The following FAM161B variants were observed in gnomAD, a reference collection of about 807,000 sequenced individuals.
The protein encoded by FAM161B is FAM161 centrosomal protein B.
Under a neutral mutation model 61.5 loss-of-function variants are expected in FAM161B, and 46 were observed. The ratio of observed to expected loss-of-function variants is 0.75; its 90% confidence interval spans 0.59 to 0.96. FAM161B has a LOEUF of 0.96. FAM161B is among the 40% of genes least tolerant of loss of function. The probability of loss-of-function intolerance (pLI) is 0.00; values close to 1 mark genes in which losing one functional copy is unlikely to be tolerated. For missense variants in FAM161B, 774 were observed against 800.7 expected (o/e 0.97, Z 0.40); for synonymous variants, 284 against 302.7 (o/e 0.94, Z 0.64).
intron 3 of FAM161B, among the ~76,000 whole-genome samples, chr14:73,943,073 A>G (rs1419467083): frequency 2.6e-5 from 4 of 152,110 alleles, no homozygotes; most frequent in Non-Finnish European, 5.9e-5. Context: ...GAAGCAGAGG[A>G]AGTGGGCCAG....
rs192144469 is a variant in FAM161B, at chr14:73,946,848, G to A, written c.55-243C>T. ...TCTATGAAGTGCGCTTGGTTGAAGG[G>A]ATGGAGAGGGAAGTGAAGAGCTGAA... is the stretch of plus-strand genomic sequence containing the variant. On this transcript the variant is annotated intron_variant, in intron 1 of 8. Transcript: ENST00000286544. Among the ~76,000 whole-genome samples the A allele has an allele frequency of 6.2e-3, 948 of 152,248 alleles. 8 individuals are homozygous for A. Among genetic ancestry groups the A allele is most frequent in the South Asian group, 0.011 (52 of 4,822 alleles).
In FAM161B at chr14:73,950,049, C is replaced by T; in HGVS notation, c.-23G>A. ...CATTTCAGCTGGACAGAGGCAGCAG[C>T]GACAGTGACAGCGATAGTGGCAGCA... On this transcript the variant is annotated 5_prime_UTR_variant, in exon 1 of 9. Coordinates refer to ENST00000286544, the MANE Select transcript of FAM161B (RefSeq NM_152445.3). The T allele has an allele frequency of 6.2e-7, 1 of 1,610,908 alleles. No individual in the cohort carries two copies. The highest frequency in any genetic ancestry group is 2.2e-5 in the East Asian group (1 of 44,870).
the FAM161B span, chr14:73,923,425 T>C: frequency 4.3e-6 from 7 of 1,613,800 alleles, no homozygotes; most frequent in Admixed American, 1.0e-4. Flanking sequence ...CCACGTTCCC[T>C]GTCTTCAGTG....
chr14:73,949,198 G>T (rs1459815769), intron 1 of FAM161B, among the ~76,000 whole-genome samples: 1 of 152,214 alleles, frequency 6.6e-6, no homozygotes, highest in African/African-American at 2.4e-5. Context: ...CACCTCCCAG[G>T]TTCAAGCAAT....
rs754735069 is a variant in FAM161B, at chr14:73,944,852, G to A, written c.408C>T (p.Asn136=). 4 of 1,528,788 alleles carry A rather than the reference G, an allele frequency of 2.6e-6. No individual in the cohort carries two copies. The highest frequency in any genetic ancestry group is 3.5e-6 in the Non-Finnish European group (4 of 1,139,128). 94.7% of individuals were successfully genotyped at this position (1,528,788 alleles called of 1,614,324 possible). ...CGSTRRCSSL[N]NLPSNIPRPQ... ...GCCTGGGAATGTTGGAGGGAAGGTT[G>A]TTCAGGGAGCTGCAGCGCCTTGTGG... is the stretch of plus-strand genomic sequence containing the variant. Residue 136 remains asparagine, a synonymous_variant, in exon 3 of 9, where the codon AAC becomes AAT. Transcript: ENST00000286544.
chr14:73,937,969 T>C lies in FAM161B; in HGVS notation c.1544A>G (p.Lys515Arg). Residue 515 changes from lysine to arginine, a missense_variant, in exon 6 of 9, where the codon AAA (lysine) becomes AGA (arginine). Physicochemically the swap from Lys to Arg is conservative, Grantham distance 26 (BLOSUM62 2). Coordinates refer to ENST00000286544, the MANE Select transcript of FAM161B (RefSeq NM_152445.3). The part of the protein sequence containing the change: ...DPHKSLEEVF[K>R]AKLKENRNND... ...TGACCGGTTCTCTTTCAGCTTTGCT[T>C]TGAACACTTCCTCCAGGCTTTTATG... 1.9e-6 allele frequency: 3 copies of C among 1,614,254 alleles called. No individual in the cohort carries two copies. The highest frequency in any genetic ancestry group is 2.5e-6 in the Non-Finnish European group (3 of 1,180,048).
chr14:73,932,876 G>C lies in FAM161B; in HGVS notation c.*1380C>G, dbSNP rs2055936628. 1 of 160,434 alleles carries C rather than the reference G, an allele frequency of 6.2e-6. No individual in the cohort carries two copies. Among genetic ancestry groups the C allele is most frequent in the Non-Finnish European group, 1.4e-5 (1 of 73,148 alleles). The allele number at this position is 160,434 out of a possible 1,614,324, so 9.9% of individuals were successfully genotyped here. ...TGGCTTCAAGCGATCCTCCTGCCTT[G>C]GCCCCTCAAAGTGCTGGGATTACAA... On this transcript the variant is annotated 3_prime_UTR_variant, in exon 9 of 9. Coordinates refer to ENST00000286544, the MANE Select transcript of FAM161B (RefSeq NM_152445.3).
At chr14:73,949,939 C>T in intron 1 of FAM161B, 34 bp downstream of exon 1, 1 of 1,611,464 alleles carries the variant, frequency 6.2e-7, no homozygotes, top group Non-Finnish European at 8.5e-7. Flanking sequence ...CTCCGGGATT[C>T]CTTTCCCGGG....
chr14:73,927,411 T>C (rs1234028867), downstream of FAM161B, among the ~76,000 whole-genome samples: 3 of 152,330 alleles, frequency 2.0e-5, no homozygotes, highest in Admixed American at 1.3e-4. Flanking sequence ...GAAATACTTC[T>C]CTCATCAACC....
Position 73,942,758 on chromosome 14 carries a change from G to C in FAM161B, c.926-43C>G, listed in dbSNP as rs373206792. The C allele has an allele frequency of 3.1e-5, 48 of 1,558,986 alleles. No homozygotes were observed. In the African/African-American group the frequency reaches 6.1e-4, roughly 20 times the overall value. On this transcript the variant is annotated intron_variant, in intron 3 of 8. Transcript: ENST00000286544. ...TGATGGGTAAGAAAGGACCAAGCAAGAAACCTACAGGGTTGGAGAACTTTC... is the reference window on the plus strand; with the variant it reads ...TGATGGGTAAGAAAGGACCAAGCAACAAACCTACAGGGTTGGAGAACTTTC...
chr14:73,932,686 G>A lies in FAM161B; in HGVS notation c.*1570C>T, dbSNP rs1003636005. ...GTCACCCAGGCTGGAGTGCAGTAGTGTAATCATAGCTCAATGTAACCTTGA... is the reference window on the plus strand; with the variant it reads ...GTCACCCAGGCTGGAGTGCAGTAGTATAATCATAGCTCAATGTAACCTTGA... On this transcript the variant is annotated 3_prime_UTR_variant, in exon 9 of 9. Transcript: ENST00000286544. The A allele has an allele frequency of 8.5e-6, 3 of 351,848 alleles. No individual in the cohort carries two copies. The highest frequency in any genetic ancestry group is 6.5e-5 in the African/African-American group (3 of 46,492). The allele number at this position is 351,848 out of a possible 1,614,324, so 21.8% of individuals were successfully genotyped here. A position where few individuals can be genotyped will look rare whatever the true frequency, so the allele number is the denominator to read the frequency against.
rs776519396 is a variant in FAM161B at position 73,936,025 on chromosome 14, C to T, written c.1729G>A (p.Glu577Lys). The T allele has an allele frequency of 2.5e-6, 4 of 1,614,004 alleles. No individual in the cohort carries two copies. Among genetic ancestry groups the T allele is most frequent in the South Asian group, 1.1e-5 (1 of 91,044 alleles). ...LDTLKQAGLE[E>K]DFVRNKGQGT... is the part of the protein sequence containing the mutation. The stretch of plus-strand genomic sequence containing the variant: ...TGACCCTTGTTTCTCACAAAGTCTT[C>T]CTCCAGCCCAGCCTGCTTCAGGGTG... The change falls in exon 8 of 9, where the codon GAA (glutamate) becomes AAA (lysine). Residue 577 changes from glutamate to lysine, a missense_variant. Transcript: ENST00000286544.
At chr14:73,931,909 T>C, downstream of FAM161B, 1 of 457,424 alleles carries the variant, frequency 2.2e-6, no homozygotes, top group South Asian at 1.6e-5. Flanking sequence ...CTCAGCTGTC[T>C]TTTCACATGG....
chr14:73,949,519 A>ATTTTT (rs35341495), intron 1 of FAM161B, among the ~76,000 whole-genome samples: 1 of 138,478 alleles, frequency 7.2e-6, no homozygotes. Flanking sequence ...CGCCTGGCCA[A>ATTTTT]TTTTTTTTTT....
downstream of FAM161B, chr14:73,927,727 T>C (rs1034710184): frequency 1.3e-5 from 2 of 152,038 alleles, no homozygotes; most frequent in African/African-American, 2.4e-5. Flanking sequence ...CTGCCTCAAA[T>C]AGCTTATAGG....
intron 3 of FAM161B, among the ~76,000 whole-genome samples, chr14:73,943,217 T>C (rs2140347316): frequency 6.6e-6 from 1 of 152,312 alleles, no homozygotes; most frequent in South Asian, 2.1e-4. Context: ...TTTCCTCCTC[T>C]TTAACCTCTC....
Position 73,941,041 on chromosome 14 carries a change from G to A in FAM161B, c.1285C>T (p.Pro429Ser). Residue 429 changes from proline (P) to serine (S), a missense_variant, in exon 5 of 9, where the codon CCA becomes TCA. Pro to Ser is a moderately conservative substitution (Grantham distance 74, BLOSUM62 -1). Coordinates refer to ENST00000286544, the MANE Select transcript of FAM161B (RefSeq NM_152445.3). ...TTGRRQDSPQPPATPLPRSRS... is the reference protein window; with the variant it reads ...TTGRRQDSPQSPATPLPRSRS... ...CTCCTTGGCAGGGGTGTAGCTGGTG[G>A]CTGTGGGGAATCCTAGAAGAAACAA... is the stretch of plus-strand genomic sequence containing the variant. The A allele has an allele frequency of 6.2e-7, 1 of 1,613,244 alleles. No individual in the cohort carries two copies. Among genetic ancestry groups the A allele is most frequent in the Non-Finnish European group, 8.5e-7 (1 of 1,179,508 alleles).
chr14:73,946,086 G>A (rs1249045374), intron 2 of FAM161B, among the ~76,000 whole-genome samples, 200 bp downstream of exon 2: 1 of 152,188 alleles, frequency 6.6e-6, no homozygotes, highest in East Asian at 1.9e-4. Context: ...TGGACTAAGT[G>A]TTGCCCAAAG....
chr14:73,943,630 C>G (rs962073025), intron 3 of FAM161B, among the ~76,000 whole-genome samples: 3 of 152,180 alleles, frequency 2.0e-5, no homozygotes, highest in Non-Finnish European at 2.9e-5. Flanking sequence ...TCAGTTCAGC[C>G]CCAGGGCCCA....
Sources: gnomAD v4.1 joint callset for allele counts (sites outside exome capture counted in the v4.1 genomes callset) on GRCh38, gnomAD v4.1.1 for gene constraint, MANE v1.5 for transcripts, NCBI Gene and HGNC (gene_info 2026-07-23, HGNC 2026-07-21) for gene names.